Variants in MSH6 observed in about 807,000 individuals in gnomAD.
MSH6 encodes the protein DNA mismatch repair protein Msh6.
MSH6 carries 85 observed loss-of-function variants against 119.1 expected under a neutral mutation model. The ratio of observed to expected loss-of-function variants is 0.71; its 90% CI spans 0.60 to 0.85. The LOEUF (loss-of-function observed/expected upper bound fraction) is 0.85. MSH6 is among the 40% of genes least tolerant of loss of function. The pLI is 0.00. For missense variants in MSH6, 2,163 were observed against 1,655.3 expected, an observed-to-expected ratio of 1.31 and a Z score of -5.32; for synonymous variants, 830 against 586.9, an observed-to-expected ratio of 1.41 and a Z score of -5.99.
At position 47,801,342 on chromosome 2, in the gene MSH6, G is replaced by A. The variant is rs531209995; in HGVS notation, c.3172+187G>A. 8.8e-5 allele frequency: 24 copies of A among 273,464 alleles called. No homozygotes were observed. In the East Asian group the frequency reaches 1.7e-3, roughly 19 times the overall value. 16.9% of individuals were successfully genotyped at this position (273,464 alleles called of 1,614,324 possible). A position where few individuals can be genotyped will look rare whatever the true frequency, so the allele number is the denominator to read the frequency against. ...CTTGAAACTCGCTTTTATCTTAGTA[G>A]CCCTTTGGCCTTTCTTCAGTTTTTT... On this transcript the variant is annotated intron_variant, in intron 4 of 9. Transcript: ENST00000234420.
In MSH6 at chr2:47,799,118, A is replaced by C. The variant is rs1432436629; in HGVS notation, c.1135A>C (p.Arg379=). 6.2e-7 allele frequency: 1 copy of C among 1,614,160 alleles called. No individual in the cohort carries two copies. Among genetic ancestry groups the C allele is most frequent in the South Asian group, 1.1e-5 (1 of 91,080 alleles). The change falls in exon 4 of 10, where the codon AGA becomes CGA. Residue 379 remains arginine, a synonymous_variant. Coordinates refer to ENST00000234420, the MANE Select transcript of MSH6 (RefSeq NM_000179.3). ...TLEWLKEEKR[R]DEHRRRPDHP... is the part of the protein sequence containing the mutation. Reference sequence around the variant, plus strand: ...AGAATGGCTTAAGGAGGAAAAGAGAAGAGATGAGCACAGGAGGAGGCCTGA... The same window carrying C: ...AGAATGGCTTAAGGAGGAAAAGAGACGAGATGAGCACAGGAGGAGGCCTGA...
intron 6 of MSH6, 73 bp downstream of exon 6, chr2:47,805,100 T>C: frequency 3.0e-6 from 3 of 1,001,600 alleles, no homozygotes; most frequent in Non-Finnish European, 3.2e-6. Flanking sequence ...GCTTCTTGTA[T>C]ATGAGCCTTT....
downstream of MSH6, chr2:47,808,867 T>C (rs185737873): frequency 1.5e-4 from 42 of 288,120 alleles, no homozygotes; most frequent in African/African-American, 8.8e-4. Context: ...TTATGGTCTT[T>C]GTTTTGTTTT....
rs774303198 is a variant in MSH6, at chr2:47,791,032, G to C, written c.366G>C (p.Glu122Asp). The change falls in exon 2 of 10, where the codon GAG becomes GAC. Residue 122 changes from glutamate (E) to aspartate (D), a missense_variant. Glu to Asp is a conservative substitution (Grantham distance 45, BLOSUM62 2). Transcript: ENST00000234420. ...CCTTTGATGGAACATTCATCCGCGA[G>C]AAAGGGAAATCAGTCCGTGTTCATG... ...NHPFDGTFIR[E>D]KGKSVRVHVQ... 3.1e-6 allele frequency: 5 copies of C among 1,614,086 alleles called. No homozygotes were observed. Among genetic ancestry groups the C allele is most frequent in the Non-Finnish European group, 2.5e-6 (3 of 1,180,040 alleles).
chr2:47,809,959 T>C (rs1321964676), downstream of MSH6: 5 of 500,784 alleles, frequency 1.0e-5, no homozygotes, highest in South Asian at 3.1e-5. Context: ...ATACTTGGAT[T>C]TCATTTGCAT....
intron 2 of MSH6, 37 bp from the exon 3 acceptor site, chr2:47,795,857 C>T (rs2104226023): frequency 3.1e-6 from 5 of 1,595,174 alleles, no homozygotes; most frequent in Non-Finnish European, 3.4e-6. Context: ...AGCCTCTGCA[C>T]CCGGCCCTTA....
chr2:47,807,277 A>AAGTGTACT, downstream of MSH6: 1 of 222,474 alleles, frequency 4.5e-6, no homozygotes, highest in Non-Finnish European at 9.0e-6. Context: ...AGACTTTCTA[A>AAGTGTACT]AGTGTACTTA....
intron 2 of MSH6, among the ~76,000 whole-genome samples, chr2:47,795,221 C>A (rs889993423): frequency 7.2e-5 from 11 of 152,056 alleles, no homozygotes; most frequent in Non-Finnish European, 1.6e-4. Flanking sequence ...CTGGGTGAAC[C>A]CATAGGGCAC....
rs545107255 is a variant in MSH6, at chr2:47,788,954, C to T, written c.261-1973C>T. On this transcript the variant is annotated intron_variant, in intron 1 of 9. Transcript: ENST00000234420. The stretch of plus-strand genomic sequence containing the variant: ...TTTTTTTTTTTTTTTTTTTGTGAGA[C>T]GGAGTCTGTCGTCCAGGCTGGAATG... Among the ~76,000 whole-genome samples the T allele has an allele frequency of 6.0e-5, 4 of 66,344 alleles. No individual in the cohort carries two copies. In the South Asian group the frequency reaches 1.8e-3, roughly 30 times the overall value. 43.5% of individuals were successfully genotyped at this position (66,344 alleles called of 152,430 possible).
Position 47,796,675 on chromosome 2 carries a change from TA to T in MSH6, c.627+613del, listed in dbSNP as rs1669114459. Among the ~76,000 whole-genome samples the T allele has an allele frequency of 2.0e-5, 3 of 152,204 alleles. No homozygotes were observed. The South Asian group carries it at 6.2e-4, about 32-fold the overall frequency. ...ATGGATAAAGTGAATTAAAACTTGT[TA>T]GGGGCCAGGTGTGGTGGTTAATGCC... On this transcript the variant is annotated intron_variant, in intron 3 of 9. Transcript: ENST00000234420.
At chr2:47,795,525 G>GTGCAATCTCGGCTCAC in intron 2 of MSH6, among the ~76,000 whole-genome samples, 1 of 150,424 alleles carries the variant, frequency 6.6e-6, no homozygotes, top group South Asian at 2.1e-4. Context: ...GAGTGAAGTG[G>GTGCAATCTCGGCTCAC]TGCAATCTCG....
In MSH6 at chr2:47,806,480, A is replaced by G; in HGVS notation, c.3830A>G (p.Asp1277Gly). The G allele has an allele frequency of 1.2e-6, 2 of 1,613,998 alleles. No homozygotes were observed. Among genetic ancestry groups the G allele is most frequent in the Non-Finnish European group, 1.7e-6 (2 of 1,179,990 alleles). The stretch of plus-strand genomic sequence containing the variant: ...TGCATGGTAGAAAATGAATGTGAAG[A>G]CCCCAGCCAGGAGACTATTACGTTC... The part of the protein sequence containing the change: ...MACMVENECE[D>G]PSQETITFLY... Residue 1277 changes from aspartate (D) to glycine (G), a missense_variant, in exon 9 of 10, where the codon GAC (aspartate) becomes GGC (glycine). Transcript: ENST00000234420.
chr2:47,801,231 T>C, intron 4 of MSH6, 76 bp downstream of exon 4: 6 of 1,462,810 alleles, frequency 4.1e-6, no homozygotes, highest in Non-Finnish European at 4.7e-6. Flanking sequence ...TCCCTAAAAA[T>C]AAGTAATAAG....
In MSH6 at chr2:47,796,010, G is replaced by T; in HGVS notation, c.574G>T (p.Glu192Ter). 1 of 1,614,152 alleles carries T rather than the reference G, an allele frequency of 6.2e-7. No homozygotes were observed. Among genetic ancestry groups the T allele is most frequent in the East Asian group, 2.2e-5 (1 of 44,884 alleles). Residue 192 changes from glutamate (E) to a stop codon, truncating the protein, a stop_gained, in exon 3 of 10, where the codon GAA (glutamate) becomes TAA (stop). Coordinates refer to ENST00000234420, the MANE Select transcript of MSH6 (RefSeq NM_000179.3). LOFTEE classifies it high-confidence loss of function. ...AAATAAAGACAAGATTAAGAGGCTT[G>T]AATTGGCAGTTTGTGATGAGCCCTC... ...ALNKDKIKRL[E>*]LAVCDEPSEP...
At chr2:47,801,316 A>T in intron 4 of MSH6, 161 bp downstream of exon 4, 2 of 520,796 alleles carry the variant, frequency 3.8e-6, no homozygotes, top group Non-Finnish European at 6.4e-6. Flanking sequence ...AATTTAAGTT[A>T]CTTGAAACTC....
rs201735525 is a variant in MSH6, at chr2:47,799,813, G to A, written c.1830G>A (p.Lys610=). 1 of 1,614,196 alleles carries A rather than the reference G, an allele frequency of 6.2e-7. No individual in the cohort carries two copies. Among genetic ancestry groups the A allele is most frequent in the African/African-American group, 1.3e-5 (1 of 75,062 alleles). ...NLSKETKTIL[K]SSLSCSLQEG... ...CAAAGGAAACTAAAACAATTCTAAA[G>A]AGTTCATTGTCCTGTTCTCTTCAGG... The change falls in exon 4 of 10, where the codon AAG becomes AAA. Residue 610 remains lysine, a synonymous_variant. Transcript: ENST00000234420.
chr2:47,798,633 A>G lies in MSH6; in HGVS notation c.650A>G (p.Asp217Gly), dbSNP rs554012110. The change falls in exon 4 of 10, where the codon GAT becomes GGT. Residue 217 changes from aspartate to glycine, a missense_variant. Physicochemically the swap from Asp to Gly is moderately conservative, Grantham distance 94 (BLOSUM62 -1). Transcript: ENST00000234420. ...EMEVGTTYVT[D>G]KSEEDNEIES... ...CAGGTAGGCACAACTTACGTAACAG[A>G]TAAGAGTGAAGAAGATAATGAAATT... is the stretch of plus-strand genomic sequence containing the variant. 123 of 1,611,776 alleles carry G rather than the reference A, an allele frequency of 7.6e-5. No individual in the cohort carries two copies. The highest frequency in any genetic ancestry group is 5.1e-4 in the African/African-American group (38 of 75,056).
chr2:47,806,108 A>T, intron 7 of MSH6, 96 bp from the exon 8 acceptor site: 1 of 1,196,982 alleles, frequency 8.4e-7, no homozygotes, highest in Non-Finnish European at 1.2e-6. Flanking sequence ...GGATGTACTA[A>T]CCGATGTTGC....
In MSH6 at chr2:47,799,745, C is replaced by T. The variant is rs1669370186; in HGVS notation, c.1762C>T (p.His588Tyr). 1 of 1,614,186 alleles carries T rather than the reference C, an allele frequency of 6.2e-7. No individual in the cohort carries two copies. The highest frequency in any genetic ancestry group is 1.1e-5 in the South Asian group (1 of 91,084). The stretch of plus-strand genomic sequence containing the variant: ...TTCGAGATTTAGGACTCTAGTGGCA[C>T]ACTATCCCCCAGTACAAGTTTTATT... ...HCSRFRTLVA[H>Y]YPPVQVLFEK... The change falls in exon 4 of 10, where the codon CAC becomes TAC. Residue 588 changes from histidine to tyrosine, a missense_variant. Coordinates refer to ENST00000234420, the MANE Select transcript of MSH6 (RefSeq NM_000179.3).
Sources: gnomAD v4.1 joint callset for allele counts (sites outside exome capture counted in the v4.1 genomes callset) on GRCh38, gnomAD v4.1.1 for gene constraint, MANE v1.5 for transcripts, NCBI Gene and HGNC (gene_info 2026-07-23, HGNC 2026-07-21) for gene names.